Variants in SGO2 observed in about 807,000 individuals in gnomAD.
SGO2 encodes shugoshin-like 2.
SGO2 carries 68 observed loss-of-function variants against 99.5 expected under a neutral mutation model. The ratio of observed to expected loss-of-function variants is 0.68; its 90% CI spans 0.56 to 0.84. The LOEUF (loss-of-function observed/expected upper bound fraction) is 0.84. Ranked by LOEUF, SGO2 falls within the 40% of genes least tolerant of loss-of-function variation. SGO2 has a pLI of 0.00. For missense variants in SGO2, 1,350 were observed against 1,436.7 expected, an observed-to-expected ratio of 0.94 and a Z score of 0.97; for synonymous variants, 457 against 487.1, an observed-to-expected ratio of 0.94 and a Z score of 0.81.
chr2:200,579,175 C>G (rs2033758473), intron 8 of SGO2, among the ~76,000 whole-genome samples: 1 of 152,170 alleles, frequency 6.6e-6, no homozygotes, highest in African/African-American at 2.4e-5. Context: ...GTAACTGATG[C>G]CCAATGTTGT....
rs1376863073 is a variant in SGO2 at position 200,573,350 on chromosome 2, A to G, written c.3004A>G (p.Lys1002Glu). The G allele has an allele frequency of 6.2e-7, 1 of 1,604,570 alleles. No individual in the cohort carries two copies. Among genetic ancestry groups the G allele is most frequent in the Non-Finnish European group, 8.5e-7 (1 of 1,177,368 alleles). The change falls in exon 7 of 9, where the codon AAG becomes GAG. Residue 1002 changes from lysine to glutamate, a missense_variant. Lys to Glu is a moderately conservative substitution (Grantham distance 56). Coordinates refer to ENST00000357799, the MANE Select transcript of SGO2 (RefSeq NM_152524.6). ...CKAKNILTKA[K>E]NKLASQLTES... is the part of the protein sequence containing the mutation. Reference sequence around the variant, plus strand: ...GGCAAAGAACATTTTGACAAAAGCTAAGAACAAACTTGCTTCACAGTTAAC... The same window carrying G: ...GGCAAAGAACATTTTGACAAAAGCTGAGAACAAACTTGCTTCACAGTTAAC...
chr2:200,540,469 C>G (rs906292759), intron 4 of SGO2, among the ~76,000 whole-genome samples: 2 of 152,140 alleles, frequency 1.3e-5, no homozygotes, highest in Admixed American at 6.5e-5. Flanking sequence ...ATGAGTGGGT[C>G]TGAGAGTTCA....
At chr2:200,561,324 T>C (rs2032954602) in intron 5 of SGO2, among the ~76,000 whole-genome samples, 1 of 152,204 alleles carries the variant, frequency 6.6e-6, no homozygotes, top group Non-Finnish European at 1.5e-5. Flanking sequence ...AATAGTTTGC[T>C]GAGAATGATG....
At chr2:200,562,646 G>A (rs1448488860) in intron 5 of SGO2, among the ~76,000 whole-genome samples, 2 of 152,162 alleles carry the variant, frequency 1.3e-5, no homozygotes, top group Non-Finnish European at 2.9e-5. Context: ...ATTACCTTGG[G>A]CAGTATGGCC....
chr2:200,526,960 T>C lies in SGO2; in HGVS notation c.-3+708T>C, dbSNP rs2031128303. Among the ~76,000 whole-genome samples, 2 of 152,208 alleles carry C rather than the reference T, an allele frequency of 1.3e-5. No homozygotes were observed. The highest frequency in any genetic ancestry group is 1.3e-4 in the Admixed American group (2 of 15,282). ...TTTAGTCCCTACAAGGAGATGCCCTTATTTTTTATGGTTTTATAAATCTGG... is the reference window on the plus strand; with the variant it reads ...TTTAGTCCCTACAAGGAGATGCCCTCATTTTTTATGGTTTTATAAATCTGG... On this transcript the variant is annotated intron_variant, in intron 1 of 8. Transcript: ENST00000357799. This position sits in a 1 kb window ranked among gnomAD's most constrained non-coding sequence, Gnocchi z 4.8.
Position 200,578,775 on chromosome 2 carries a change from G to A in SGO2, c.3782+3314G>A, listed in dbSNP as rs185091710. Reference sequence around the variant, plus strand: ...CAGTGGTCTCCTTGTTTATTGTAGAGGATCTATAGTATGTTTTAATGTCTG... The same window carrying A: ...CAGTGGTCTCCTTGTTTATTGTAGAAGATCTATAGTATGTTTTAATGTCTG... On this transcript the variant is annotated intron_variant, in intron 8 of 8. Transcript: ENST00000357799. Among the ~76,000 whole-genome samples, 419 of 152,258 alleles carry A rather than the reference G, an allele frequency of 2.8e-3. 2 individuals carry two copies. Among genetic ancestry groups the A allele is most frequent in the African/African-American group, 9.5e-3 (395 of 41,540 alleles).
intron 3 of SGO2, among the ~76,000 whole-genome samples, chr2:200,535,411 C>T (rs1181328692): frequency 6.6e-6 from 1 of 152,132 alleles, no homozygotes; most frequent in Non-Finnish European, 1.5e-5. Context: ...CTTTGACCAA[C>T]ATTCGATTGC....
chr2:200,552,172 G>C (rs1336377158), intron 5 of SGO2, among the ~76,000 whole-genome samples: 1 of 151,894 alleles, frequency 6.6e-6, no homozygotes, highest in Non-Finnish European at 1.5e-5. Flanking sequence ...TTTGTATTGA[G>C]TTATTACATA....
intron 5 of SGO2, among the ~76,000 whole-genome samples, chr2:200,544,345 G>A (rs777002991): frequency 6.6e-6 from 1 of 152,160 alleles, no homozygotes; most frequent in African/African-American, 2.4e-5. Context: ...GCAGTGGCAC[G>A]ATCTTGGCTC....
In SGO2 at chr2:200,573,805, C is replaced by G. The variant is rs2033551324; in HGVS notation, c.3459C>G (p.Asp1153Glu). Residue 1153 changes from aspartate (D) to glutamate (E), a missense_variant, in exon 7 of 9, where the codon GAC (aspartate) becomes GAG (glutamate). Coordinates refer to ENST00000357799, the MANE Select transcript of SGO2 (RefSeq NM_152524.6). ...CTAACATACAAGATTCTTCCTTTGA[C>G]AGTGTTCGTGAAGGTTTAGTACCTT... ...HSPNIQDSSF[D>E]SVREGLVPLS... is the part of the protein sequence containing the mutation. The G allele has an allele frequency of 6.2e-7, 1 of 1,612,386 alleles. No individual in the cohort carries two copies. The highest frequency in any genetic ancestry group is 8.5e-7 in the Non-Finnish European group (1 of 1,179,228).
chr2:200,533,825 G>A (rs111891411), intron 2 of SGO2, among the ~76,000 whole-genome samples: 10 of 152,202 alleles, frequency 6.6e-5, no homozygotes, highest in African/African-American at 1.9e-4. Flanking sequence ...CCTCCTGGGT[G>A]CCTGTAAATC....
chr2:200,538,306 G>A (rs1334572350), intron 4 of SGO2, among the ~76,000 whole-genome samples: 1 of 152,090 alleles, frequency 6.6e-6, no homozygotes, highest in East Asian at 1.9e-4. Flanking sequence ...CTCCCTCAGA[G>A]GTGAGCTGCT....
At position 200,552,510 on chromosome 2, in the gene SGO2, G is replaced by A. The variant is rs368610666; in HGVS notation, c.473+9846G>A. Among the ~76,000 whole-genome samples, 216 of 152,248 alleles carry A rather than the reference G, an allele frequency of 1.4e-3. 1 individual carries two copies. The highest frequency in any genetic ancestry group is 4.8e-3 in the African/African-American group (201 of 41,552). On this transcript the variant is annotated intron_variant, in intron 5 of 8. Transcript: ENST00000357799. ...TTGTAGTTATTCCTTGATCATATGC[G>A]AAACAAGGGGTGGATTATTCATGAG... is the stretch of plus-strand genomic sequence containing the variant.
chr2:200,560,990 CATCTA>C (rs1347173328), intron 5 of SGO2, among the ~76,000 whole-genome samples: 1 of 152,162 alleles, frequency 6.6e-6, no homozygotes, highest in Non-Finnish European at 1.5e-5. Context: ...TCACACATCT[CATCTA>C]GTCAGTAAAG....
Position 200,577,861 on chromosome 2 carries a change from G to A in SGO2, c.3782+2400G>A, listed in dbSNP as rs373081422. 1.5e-3 allele frequency among the ~76,000 whole-genome samples: 231 copies of A among 152,228 alleles called. 1 individual carries two copies. The highest frequency in any genetic ancestry group is 5.2e-3 in the African/African-American group (217 of 41,532). On this transcript the variant is annotated intron_variant, in intron 8 of 8. Transcript: ENST00000357799. ...CTCATTTCAAGGCTTCATCATGTCA[G>A]TGTGTTTCATTACTAGTCATGTTAG...
rs761791294 is a variant in SGO2, at chr2:200,572,351, A to C, written c.2005A>C (p.Ile669Leu). The C allele has an allele frequency of 5.0e-6, 8 of 1,611,442 alleles. No homozygotes were observed. Among genetic ancestry groups the C allele is most frequent in the Non-Finnish European group, 6.8e-6 (8 of 1,179,148 alleles). Residue 669 changes from isoleucine to leucine, a missense_variant, in exon 7 of 9, where the codon ATC becomes CTC. Coordinates refer to ENST00000357799, the MANE Select transcript of SGO2 (RefSeq NM_152524.6). The stretch of plus-strand genomic sequence containing the variant: ...CATAGAAGTTTCCAAAGAGCTTCAA[A>C]TCCCAGCTCTTTCTACTAGAGATAA... ...ENIEVSKELQ[I>L]PALSTRDNEN...
chr2:200,550,209 A>G (rs1292808404), intron 5 of SGO2, among the ~76,000 whole-genome samples: 2 of 152,212 alleles, frequency 1.3e-5, no homozygotes, highest in African/African-American at 2.4e-5. Context: ...AGGACACCAA[A>G]AAAGGGAAGA....
At chr2:200,532,294 T>TG in intron 1 of SGO2, 1 of 514,944 alleles carries the variant, frequency 1.9e-6, no homozygotes. Context: ...GTTTTTTTTT[T>TG]TTTTTCAGAT....
chr2:200,536,418 T>C (rs1408134042), intron 4 of SGO2, among the ~76,000 whole-genome samples: 1 of 152,122 alleles, frequency 6.6e-6, no homozygotes, highest in African/African-American at 2.4e-5. Flanking sequence ...ATAAAGACAT[T>C]AGTAGAAAGG....
Sources: allele counts gnomAD v4.1 joint callset (sites outside exome capture counted in the v4.1 genomes callset), GRCh38; gene constraint gnomAD v4.1.1; non-coding constraint Gnocchi (gnomAD v3.1); transcripts MANE v1.5; gene names NCBI Gene and HGNC (gene_info 2026-07-23, HGNC 2026-07-21).